The following MAPRE2 variants were observed in gnomAD, a reference collection of about 807,000 sequenced individuals.
MAPRE2 encodes microtubule-associated protein RP/EB family member 2.
MAPRE2 carries 13 observed loss-of-function variants against 43.2 expected under a neutral mutation model. The observed-to-expected ratio is 0.30, with a 90% CI of 0.20 to 0.48. The LOEUF (loss-of-function observed/expected upper bound fraction) is 0.48. Among genes scored for constraint, MAPRE2 ranks in the 20% least tolerant of loss-of-function variants. MAPRE2 has a pLI of 0.99. For synonymous variants in MAPRE2, 135 were observed against 148.8 expected (o/e 0.91, Z 0.68); for missense variants, 161 against 400.2 (o/e 0.40, Z 5.10).
At chr18:35,026,890 T>C (rs1188108235) in intron 2 of MAPRE2, among the ~76,000 whole-genome samples, 1 of 152,180 alleles carries the variant, frequency 6.6e-6, no homozygotes, top group Non-Finnish European at 1.5e-5. Flanking sequence ...CTCTAACCAG[T>C]CATGTAGTCT....
intron 1 of MAPRE2, among the ~76,000 whole-genome samples, chr18:35,064,888 G>A (rs1303005944): frequency 6.6e-6 from 1 of 152,222 alleles, no homozygotes; most frequent in Non-Finnish European, 1.5e-5. Context: ...CTAAAGTCAT[G>A]TGTATCAGTG....
chr18:35,081,751 C>T (rs1907641581), intron 2 of MAPRE2, among the ~76,000 whole-genome samples: 1 of 152,054 alleles, frequency 6.6e-6, no homozygotes, highest in Non-Finnish European at 1.5e-5. Context: ...AAATGAGCAA[C>T]TTGAGAAAGG....
chr18:34,979,030 GGCATT>G (rs1242245367), intron 1 of MAPRE2, among the ~76,000 whole-genome samples: 1 of 152,198 alleles, frequency 6.6e-6, no homozygotes, highest in East Asian at 1.9e-4. Context: ...AGCAGCAGCA[GGCATT>G]GCAAGACAAG....
At chr18:35,114,450 T>C (rs1603402477) in intron 4 of MAPRE2, among the ~76,000 whole-genome samples, 1 of 152,212 alleles carries the variant, frequency 6.6e-6, no homozygotes, top group East Asian at 1.9e-4. Context: ...AGTTACTGTC[T>C]ACATTTATAG....
At chr18:35,019,194 G>A (rs2097040410) in intron 2 of MAPRE2, among the ~76,000 whole-genome samples, 1 of 151,964 alleles carries the variant, frequency 6.6e-6, no homozygotes, top group Non-Finnish European at 1.5e-5. Context: ...CCAACAGTAT[G>A]TTTGGTATGA....
intron 1 of MAPRE2, among the ~76,000 whole-genome samples, chr18:34,990,906 T>G (rs530329277): frequency 6.6e-6 from 1 of 152,288 alleles, no homozygotes; most frequent in African/African-American, 2.4e-5. Context: ...ATAGGGAGCT[T>G]TCGCTGTATT....
intron 2 of MAPRE2, among the ~76,000 whole-genome samples, chr18:35,013,280 T>C (rs547832546): frequency 3.4e-4 from 51 of 152,048 alleles, no homozygotes; most frequent in African/African-American, 1.2e-3. Context: ...GGAAGAAGAG[T>C]TGATTTAAGG....
intron 1 of MAPRE2, among the ~76,000 whole-genome samples, chr18:35,057,817 G>A (rs138934869): frequency 1.3e-5 from 2 of 152,240 alleles, no homozygotes; most frequent in Non-Finnish European, 2.9e-5. Flanking sequence ...GGGAAAAGAA[G>A]TTTTGGGGAC....
intron 1 of MAPRE2, among the ~76,000 whole-genome samples, chr18:34,998,983 CT>C (rs1247827955): frequency 6.6e-6 from 1 of 151,950 alleles, no homozygotes; most frequent in Middle Eastern, 3.2e-3. Context: ...TACTGTGTTC[CT>C]TCTTTGCATG....
intron 1 of MAPRE2, among the ~76,000 whole-genome samples, chr18:34,994,023 A>G (rs1297109162): frequency 1.4e-5 from 2 of 139,476 alleles, no homozygotes; most frequent in Non-Finnish European, 3.1e-5. Context: ...TACTGAAACC[A>G]CTAGTAATTG....
At chr18:35,084,594 A>G (rs1603399288) in intron 2 of MAPRE2, among the ~76,000 whole-genome samples, 2 of 152,210 alleles carry the variant, frequency 1.3e-5, no homozygotes, top group East Asian at 1.9e-4. Flanking sequence ...GTCCTTCAAC[A>G]GTTTATTCTG....
intron 1 of MAPRE2, among the ~76,000 whole-genome samples, chr18:34,981,877 A>ATTTT (rs138891362): frequency 8.4e-5 from 3 of 35,890 alleles, no homozygotes; most frequent in African/African-American, 2.0e-4. Flanking sequence ...TTTTTTTTTT[A>ATTTT]TTTTTATTTA....
upstream of MAPRE2, among the ~76,000 whole-genome samples, chr18:35,040,436 T>C (rs180758160): frequency 1.3e-5 from 2 of 152,336 alleles, no homozygotes; most frequent in East Asian, 3.9e-4. Flanking sequence ...TAAAACCATG[T>C]CACTTGGAAG....
At chr18:35,093,116 G>A (rs1248136938) in intron 2 of MAPRE2, among the ~76,000 whole-genome samples, 1 of 150,004 alleles carries the variant, frequency 6.7e-6, no homozygotes, top group African/African-American at 2.5e-5. Context: ...GGAGATTGAG[G>A]CATGAGAATC....
intron 4 of MAPRE2, among the ~76,000 whole-genome samples, chr18:35,103,506 A>G (rs948673207): frequency 5.9e-5 from 9 of 152,216 alleles, no homozygotes; most frequent in Non-Finnish European, 8.8e-5. Flanking sequence ...GAAGATCTAC[A>G]TAGGCAATTT....
At position 35,070,382 on chromosome 18, in the gene MAPRE2, A is replaced by G. The variant is rs1459945541; in HGVS notation, c.250+60A>G. 5.7e-6 allele frequency: 8 copies of G among 1,410,328 alleles called. No individual in the cohort carries two copies. The Admixed American group carries it at 9.8e-5, about 17-fold the overall frequency. 87.4% of individuals were successfully genotyped at this position (1,410,328 alleles called of 1,614,324 possible). On this transcript the variant is annotated intron_variant, in intron 2 of 6. Transcript: ENST00000300249. ...TTTACAGTCTGTCATGTGGAATGTG[A>G]TTTTATGAACCACAGCTGCTATATT...
intron 2 of MAPRE2, among the ~76,000 whole-genome samples, chr18:35,013,812 A>G (rs776362599): frequency 1.3e-5 from 2 of 152,322 alleles, no homozygotes; most frequent in South Asian, 4.1e-4. Flanking sequence ...CTCACTTAAT[A>G]TAATGACCTC....
At chr18:35,109,829 A>G (rs1026897414) in intron 4 of MAPRE2, among the ~76,000 whole-genome samples, 2 of 152,046 alleles carry the variant, frequency 1.3e-5, no homozygotes, top group Admixed American at 6.6e-5. Flanking sequence ...TTATGTAATT[A>G]TTGATTTGGT....
intron 4 of MAPRE2, among the ~76,000 whole-genome samples, chr18:35,117,331 G>A (rs892109752): frequency 1.3e-5 from 2 of 152,126 alleles, no homozygotes; most frequent in Non-Finnish European, 2.9e-5. Context: ...CGGAGAGTCT[G>A]GATAAGATGG....
Sources: allele counts gnomAD v4.1 joint callset (sites outside exome capture counted in the v4.1 genomes callset), GRCh38; gene constraint gnomAD v4.1.1; transcripts MANE v1.5; gene names NCBI Gene and HGNC (gene_info 2026-07-23, HGNC 2026-07-21).